Variants in OR3A2 observed in about 807,000 individuals in gnomAD.
The protein encoded by OR3A2 is olfactory receptor 3A2.
For synonymous variants in OR3A2, 126 were observed against 159.3 expected, an observed-to-expected ratio of 0.79 and a Z score of 1.57; for missense variants, 318 against 392.8, an observed-to-expected ratio of 0.81 and a Z score of 1.61.
At chr17:3,378,331 T>A (rs1213098800) in intron 2 of OR3A2, among the ~76,000 whole-genome samples, 1 of 152,206 alleles carries the variant, frequency 6.6e-6, no homozygotes, top group African/African-American at 2.4e-5. Context: ...GTCAGCCCCC[T>A]GAGTGTGTGC....
At chr17:3,330,228 T>G (rs900070630) in intron 3 of OR3A2, among the ~76,000 whole-genome samples, 66 of 151,828 alleles carry the variant, frequency 4.3e-4, no homozygotes, top group African/African-American at 1.6e-3. Context: ...TCTATTAGGT[T>G]GGCTTGGTGC....
chr17:3,318,150 G>T (rs534416575), intron 3 of OR3A2, among the ~76,000 whole-genome samples: 1 of 152,260 alleles, frequency 6.6e-6, no homozygotes, highest in South Asian at 2.1e-4. Context: ...GTGCTTACAA[G>T]TTCCACAAAC....
chr17:3,371,922 G>C (rs999276911), intron 2 of OR3A2, among the ~76,000 whole-genome samples: 1 of 146,170 alleles, frequency 6.8e-6, no homozygotes, highest in African/African-American at 2.5e-5. Flanking sequence ...GCCGGGCGGG[G>C]GCTGACCCCC....
chr17:3,338,205 C>G (rs951154472), intron 2 of OR3A2, among the ~76,000 whole-genome samples: 4 of 152,104 alleles, frequency 2.6e-5, no homozygotes, highest in Non-Finnish European at 5.9e-5. Flanking sequence ...CAAAAATTTT[C>G]TCCCATTCTG....
chr17:3,324,397 G>C (rs484082), intron 3 of OR3A2, among the ~76,000 whole-genome samples: 2 of 151,758 alleles, frequency 1.3e-5, no homozygotes, highest in Non-Finnish European at 2.9e-5. Flanking sequence ...TTCCATTGCT[G>C]GTGAGGAACT....
chr17:3,350,961 A>G (rs2049415076), intron 2 of OR3A2, among the ~76,000 whole-genome samples: 1 of 151,910 alleles, frequency 6.6e-6, no homozygotes, highest in Admixed American at 6.6e-5. Flanking sequence ...GATGCAGAAA[A>G]GGCCTTTGAC....
At position 3,291,616 on chromosome 17, in the gene OR3A2, A is replaced by T. The variant is rs759915790; in HGVS notation, c.-84-12463T>A. On this transcript the variant is annotated intron_variant, in intron 3 of 4. Coordinates refer to the OR3A2 transcript ENST00000573491. The stretch of plus-strand genomic sequence containing the variant: ...CCTTTAGTACAAGACACAGGGAGAA[A>T]GGGTCAATTGAGACCTCCTCAAGCC... The T allele has an allele frequency of 1.9e-6, 3 of 1,550,608 alleles. No individual in the cohort carries two copies. The African/African-American group carries it at 4.1e-5, about 21-fold the overall frequency.
intron 2 of OR3A2, among the ~76,000 whole-genome samples, chr17:3,371,817 C>T (rs537922760): frequency 0.02 from 2,370 of 116,676 alleles, 171 homozygotes; most frequent in African/African-American, 0.082. Context: ...GCTGGCCGGG[C>T]GGGGGGCTGA....
At chr17:3,318,746 G>A (rs1423154356) in intron 3 of OR3A2, among the ~76,000 whole-genome samples, 2 of 152,106 alleles carry the variant, frequency 1.3e-5, no homozygotes, top group Admixed American at 1.3e-4. Context: ...TTTTTCCACA[G>A]CTATTTCCCT....
At chr17:3,323,594 T>C (rs2150637011) in intron 3 of OR3A2, among the ~76,000 whole-genome samples, 1 of 152,130 alleles carries the variant, frequency 6.6e-6, no homozygotes, top group East Asian at 1.9e-4. Context: ...CTGTAAAGGG[T>C]TTTATTTCTC....
At chr17:3,349,933 C>G (rs1241817771) in intron 2 of OR3A2, among the ~76,000 whole-genome samples, 1 of 151,758 alleles carries the variant, frequency 6.6e-6, no homozygotes, top group Non-Finnish European at 1.5e-5. Flanking sequence ...TGAATGACTA[C>G]TGGGTACATA....
intron 3 of OR3A2, among the ~76,000 whole-genome samples, chr17:3,297,442 A>AAGTATGACCGTAAGAGCAACAATATTT (rs1567546174): frequency 1.3e-5 from 2 of 151,932 alleles, no homozygotes; most frequent in African/African-American, 4.9e-5. Flanking sequence ...TTTATCTGGA[A>AAGTATGACCGTAAGAGCAACAATATTT]CATCCTCTAA....
chr17:3,340,057 T>C (rs866569016), intron 2 of OR3A2, among the ~76,000 whole-genome samples: 3 of 152,166 alleles, frequency 2.0e-5, no homozygotes, highest in South Asian at 2.1e-4. Flanking sequence ...AGTTCATTTG[T>C]GTAGAGGTGT....
At chr17:3,322,393 T>G (rs2049131860) in intron 3 of OR3A2, among the ~76,000 whole-genome samples, 1 of 152,316 alleles carries the variant, frequency 6.6e-6, no homozygotes. Flanking sequence ...CTGATTTTAG[T>G]TATTTCTTGC....
chr17:3,353,656 T>C (rs1045177081), intron 2 of OR3A2, among the ~76,000 whole-genome samples: 25 of 151,976 alleles, frequency 1.6e-4, no homozygotes, highest in Admixed American at 5.2e-4. Context: ...ATGCATCACA[T>C]TGATTTTTAA....
intron 2 of OR3A2, among the ~76,000 whole-genome samples, chr17:3,373,947 T>C (rs2049656419): frequency 6.6e-6 from 1 of 152,338 alleles, no homozygotes; most frequent in Non-Finnish European, 1.5e-5. Flanking sequence ...CAAAGTTTTA[T>C]TACCAGATCC....
chr17:3,358,861 C>T (rs2049485173), intron 2 of OR3A2, among the ~76,000 whole-genome samples: 1 of 151,656 alleles, frequency 6.6e-6, no homozygotes, highest in South Asian at 2.1e-4. Flanking sequence ...GATGATCTGT[C>T]TAATACTGTC....
intron 2 of OR3A2, among the ~76,000 whole-genome samples, chr17:3,361,649 C>T (rs537807132): frequency 1.9e-4 from 29 of 151,786 alleles, no homozygotes; most frequent in Admixed American, 1.2e-3. Context: ...TTGTCAAAGA[C>T]CTTTTCTGCA....
chr17:3,369,710 T>G (rs1267759853), intron 2 of OR3A2, among the ~76,000 whole-genome samples: 1 of 152,154 alleles, frequency 6.6e-6, no homozygotes, highest in Non-Finnish European at 1.5e-5. Context: ...GTTATGTCCT[T>G]TCCTGATTTT....
Sources: allele counts gnomAD v4.1 joint callset (sites outside exome capture counted in the v4.1 genomes callset), GRCh38; gene constraint gnomAD v4.1.1; transcripts MANE v1.5; gene names NCBI Gene and HGNC (gene_info 2026-07-23, HGNC 2026-07-21).